The following CHID1 variants were observed in gnomAD, a reference collection of about 807,000 sequenced individuals.
The protein encoded by CHID1 is chitinase domain-containing protein 1.
A neutral mutation model predicts 55.4 loss-of-function variants in CHID1; 44 were observed. The ratio of observed to expected loss-of-function variants is 0.79; its 90% CI spans 0.62 to 1.02. The LOEUF (loss-of-function observed/expected upper bound fraction) is 1.02, where lower values mean the gene tolerates loss of function less well. Among genes scored for constraint, CHID1 ranks in the 50% least tolerant of loss-of-function variants. CHID1 has a pLI of 0.00. For synonymous variants in CHID1, 216 were observed against 212.9 expected, an observed-to-expected ratio of 1.01 and a Z score of -0.13; for missense variants, 491 against 515.3, an observed-to-expected ratio of 0.95 and a Z score of 0.46.
rs1304101748 is a variant in CHID1 at position 902,223 on chromosome 11, G to A, written c.369C>T (p.Val123=). 3.7e-6 allele frequency: 6 copies of A among 1,613,856 alleles called. No individual in the cohort carries two copies. The highest frequency in any genetic ancestry group is 5.1e-6 in the Non-Finnish European group (6 of 1,180,010). ...CTTGGTCCACGTCGTGGAGGCCCGT[G>A]ACCTCAAACATCTCACGGCCACGTC... ...LKRRGREMFE[V]TGLHDVDQGW... The change falls in exon 4 of 13, where the codon GTC becomes GTT. Residue 123 remains valine (V), a synonymous_variant. Coordinates refer to ENST00000323578, the MANE Select transcript of CHID1 (RefSeq NM_023947.4).
intron 10 of CHID1, chr11:882,546 T>C (rs886109447): frequency 3.3e-5 from 5 of 152,538 alleles, no homozygotes; most frequent in African/African-American, 4.8e-5. Context: ...GACACGTCAA[T>C]AAAATTGTTC....
chr11:904,991 T>C, intron 1 of CHID1, 132 bp from the exon 2 acceptor site: 1 of 990,620 alleles, frequency 1.0e-6, no homozygotes, highest in Non-Finnish European at 1.5e-6. Flanking sequence ...CCTTGGCCAC[T>C]GGGACAGAGC....
intron 10 of CHID1, among the ~76,000 whole-genome samples, chr11:876,707 C>T (rs116358807): frequency 0.021 from 3,259 of 152,306 alleles, 121 homozygotes; most frequent in African/African-American, 0.073. Flanking sequence ...CTCTCTCGGC[C>T]GGCTCGGCAG....
At position 869,828 on chromosome 11, in the gene CHID1, C is replaced by G. The variant is rs200870523; in HGVS notation, c.*30G>C. 6.4e-4 allele frequency: 1,014 copies of G among 1,587,968 alleles called. 8 individuals carry two copies. The highest frequency in any genetic ancestry group is 5.1e-5 in the Non-Finnish European group (59 of 1,157,170). ...ACTCACTCCATGGCTTAGAAAAGAA[C>G]ACGTCCACCGCGGAGGCCGCAATGC... On this transcript the variant is annotated 3_prime_UTR_variant, in exon 13 of 13. Transcript: ENST00000323578.
At chr11:901,301 C>T (rs929829708) in intron 4 of CHID1, among the ~76,000 whole-genome samples, 1 of 152,176 alleles carries the variant, frequency 6.6e-6, no homozygotes, top group African/African-American at 2.4e-5. Flanking sequence ...GGCCTGGGGA[C>T]GGTCAGGGTT....
At chr11:907,362 T>G (rs1852312658) in intron 1 of CHID1, among the ~76,000 whole-genome samples, 1 of 151,940 alleles carries the variant, frequency 6.6e-6, no homozygotes, top group East Asian at 1.9e-4. Context: ...GCGCCTGTAG[T>G]CCCAGCTATT....
At chr11:900,787 A>AG (rs1851745945) in intron 5 of CHID1, 149 bp downstream of exon 5, 1 of 626,574 alleles carries the variant, frequency 1.6e-6, no homozygotes, top group Non-Finnish European at 2.6e-6. Context: ...ATGCCAGGCC[A>AG]GGGCCAGCCT....
At chr11:910,680 G>C (rs186254020) in intron 1 of CHID1, 95 bp downstream of exon 1, 1 of 1,266,808 alleles carries the variant, frequency 7.9e-7, no homozygotes, top group South Asian at 1.3e-5. Flanking sequence ...CGTCCTCCCG[G>C]GGCCGAGCCT....
intron 8 of CHID1, among the ~76,000 whole-genome samples, chr11:890,490 C>G (rs1034544857): frequency 6.6e-6 from 1 of 152,210 alleles, no homozygotes; most frequent in African/African-American, 2.4e-5. Flanking sequence ...CCACTGACAA[C>G]AAGGCCGGCA....
intron 6 of CHID1, 73 bp from the exon 7 acceptor site, chr11:899,474 C>T: frequency 2.2e-6 from 3 of 1,375,494 alleles, no homozygotes; most frequent in Non-Finnish European, 3.0e-6. Flanking sequence ...AGAAGCCCGC[C>T]ACCTCGGCCC....
In CHID1 at chr11:875,052, G is replaced by C. The variant is rs1849412255; in HGVS notation, c.960-4553C>G. ...GGTCCAAGGGAGTGGAGCTGCTTCT[G>C]GCTGGTGGGAGGAGGGGCTTGCAGG... On this transcript the variant is annotated intron_variant, in intron 10 of 12. Transcript: ENST00000323578. This position sits in a 1 kb window ranked among gnomAD's most constrained non-coding sequence, Gnocchi z 4.7. 1 of 153,116 alleles carries C rather than the reference G, an allele frequency of 6.5e-6. No homozygotes were observed. Among genetic ancestry groups the C allele is most frequent in the Admixed American group, 6.5e-5 (1 of 15,302 alleles). The allele number at this position is 153,116 out of a possible 1,614,324, so 9.5% of individuals were successfully genotyped here.
intron 10 of CHID1, among the ~76,000 whole-genome samples, chr11:878,922 C>T (rs1431159238): frequency 6.6e-6 from 1 of 152,114 alleles, no homozygotes; most frequent in African/African-American, 2.4e-5. Flanking sequence ...TCTGGGCTCA[C>T]TGCAACCTCT....
chr11:879,403 A>C (rs1022454499), intron 10 of CHID1, among the ~76,000 whole-genome samples: 16 of 66,292 alleles, frequency 2.4e-4, no homozygotes, highest in African/African-American at 9.2e-4. Context: ...AGTTAAAATG[A>C]TGTCACAAGG....
chr11:902,985 C>A lies in CHID1; in HGVS notation c.238G>T (p.Asp80Tyr). 6.2e-7 allele frequency: 1 copy of A among 1,614,020 alleles called. No individual in the cohort carries two copies. Among genetic ancestry groups the A allele is most frequent in the Non-Finnish European group, 8.5e-7 (1 of 1,179,986 alleles). ...ACTGGAGTGACATAGCCCAGTACAT[C>A]CCCAGCAAAGTGTCTGTCCCGGGCC... is the stretch of plus-strand genomic sequence containing the variant. The part of the protein sequence containing the change: ...AKARDRHFAG[D>Y]VLGYVTPWNS... Residue 80 changes from aspartate to tyrosine, a missense_variant, in exon 3 of 13, where the codon GAT becomes TAT. Coordinates refer to ENST00000323578, the MANE Select transcript of CHID1 (RefSeq NM_023947.4).
At chr11:878,752 A>G (rs573455728) in intron 10 of CHID1, among the ~76,000 whole-genome samples, 8 of 150,572 alleles carry the variant, frequency 5.3e-5, no homozygotes, top group Non-Finnish European at 1.0e-4. Context: ...CCCAGGCTGG[A>G]GTGCAATGGC....
rs143462313 is a variant in CHID1 at position 907,459 on chromosome 11, C to T, written c.-43-2600G>A. 3.2e-3 allele frequency among the ~76,000 whole-genome samples: 481 copies of T among 150,784 alleles called. 3 individuals carry two copies. The highest frequency in any genetic ancestry group is 0.01 in the African/African-American group (415 of 40,944). On this transcript the variant is annotated intron_variant, in intron 1 of 12. Transcript: ENST00000323578. ...TAGTGCCAGTGCACTCCAGCCTGGG[C>T]GACGGTGCGAGACTGTCTTTAAAAA...
Position 900,989 on chromosome 11 carries a change from C to T in CHID1, c.395-9G>A. On this transcript the variant is annotated splice_polypyrimidine_tract_variant and intron_variant, in intron 4 of 12. Coordinates refer to ENST00000323578, the MANE Select transcript of CHID1 (RefSeq NM_023947.4). Reference sequence around the variant, plus strand: ...GACAGCTCGCATCCACCCTGTGGGACATGGAGGGGACAGTCAACACAGGCA... The same window carrying T: ...GACAGCTCGCATCCACCCTGTGGGATATGGAGGGGACAGTCAACACAGGCA... 6.3e-7 allele frequency: 1 copy of T among 1,597,608 alleles called. No homozygotes were observed.
chr11:901,119 C>G (rs1851778535), intron 4 of CHID1, 139 bp from the exon 5 acceptor site: 1 of 671,324 alleles, frequency 1.5e-6, no homozygotes, highest in African/African-American at 1.9e-5. Flanking sequence ...TGAGAACCCA[C>G]CCCTCCCTGG....
chr11:892,106 C>T lies in CHID1; in HGVS notation c.701+1321G>A, dbSNP rs1388424023. ...CTCCAGCCTGGGCGACAGAGTGAGA[C>T]TCTATCTCAAAAAAAAAGAAAAAGA... is the stretch of plus-strand genomic sequence containing the variant. On this transcript the variant is annotated intron_variant, in intron 8 of 12. Transcript: ENST00000323578. Among the ~76,000 whole-genome samples the T allele has an allele frequency of 2.6e-5, 4 of 151,906 alleles. No individual in the cohort carries two copies. The East Asian group carries it at 7.7e-4, about 29-fold the overall frequency.
Sources: gnomAD v4.1 joint callset for allele counts (sites outside exome capture counted in the v4.1 genomes callset) on GRCh38, gnomAD v4.1.1 for gene constraint, Gnocchi (gnomAD v3.1) non-coding constraint, MANE v1.5 for transcripts, NCBI Gene and HGNC (gene_info 2026-07-23, HGNC 2026-07-21) for gene names.